The following OPHN1 variants were observed in gnomAD, a reference collection of about 807,000 sequenced individuals.
OPHN1 encodes the protein oligophrenin 1.
A neutral mutation model predicts 60.7 loss-of-function variants in OPHN1; 11 were observed. That is an observed-to-expected ratio of 0.18 (90% CI 0.11 to 0.30). The LOEUF is 0.30. Among genes scored for constraint, OPHN1 ranks in the 10% least tolerant of loss-of-function variants. OPHN1 has a pLI of 1.00. For synonymous variants in OPHN1, 226 were observed against 222.6 expected (o/e 1.02, Z -0.14); for missense variants, 449 against 611.0 (o/e 0.73, Z 2.80).
At chrX:68,357,250 T>G (rs181945801) in intron 2 of OPHN1, among the ~76,000 whole-genome samples, 1 of 111,476 alleles carries the variant, frequency 9.0e-6, no homozygotes, top group African/African-American at 3.3e-5. Flanking sequence ...TGCTTTTGCT[T>G]TTGTTTTGTT....
intron 20 of OPHN1, chrX:68,071,035 A>G: frequency 8.9e-7 from 1 of 1,128,529 alleles, no homozygotes; most frequent in Non-Finnish European, 1.2e-6. Flanking sequence ...GTTGTTGAGC[A>G]CCTTAAGGAA....
chrX:68,148,479 AC>A (rs1754353641), intron 15 of OPHN1, among the ~76,000 whole-genome samples: 1 of 110,239 alleles, frequency 9.1e-6, no homozygotes, highest in Non-Finnish European at 1.9e-5. Flanking sequence ...ATCCCCAAAG[AC>A]CTGCTCTGGG....
Position 68,344,556 on chromosome X carries a change from G to A in OPHN1, c.155-45460C>T, listed in dbSNP as rs769603946. On this transcript the variant is annotated intron_variant, in intron 2 of 24. Coordinates refer to ENST00000355520, the MANE Select transcript of OPHN1 (RefSeq NM_002547.3). ...GAACCCAGGAGGCAGAGGTTGTACCGAGCCGAGATTGTGCCACTGCACTCC... is the reference window on the plus strand; with the variant it reads ...GAACCCAGGAGGCAGAGGTTGTACCAAGCCGAGATTGTGCCACTGCACTCC... Among the ~76,000 whole-genome samples the A allele has an allele frequency of 1.0e-4, 11 of 108,836 alleles. No homozygotes were observed. In the East Asian group the frequency reaches 1.8e-3, roughly 17 times the overall value. The allele number at this position is 108,836 out of a possible 115,157, so 94.5% of individuals were successfully genotyped here. A position where few individuals can be genotyped will look rare whatever the true frequency, so the allele number is the denominator to read the frequency against.
intron 18 of OPHN1, among the ~76,000 whole-genome samples, chrX:68,103,784 C>T (rs1602158180): frequency 8.9e-6 from 1 of 111,733 alleles, no homozygotes; most frequent in South Asian, 3.7e-4. Context: ...CCCTCTCTCA[C>T]CACTCCTATT....
chrX:68,403,965 C>T (rs1297995588), intron 2 of OPHN1, among the ~76,000 whole-genome samples: 9 of 108,834 alleles, frequency 8.3e-5, no homozygotes, highest in Non-Finnish European at 1.5e-4. Context: ...AAATGAGATG[C>T]TGAATGCAGA....
intron 2 of OPHN1, among the ~76,000 whole-genome samples, chrX:68,359,850 C>A (rs1407425284): frequency 1.4e-5 from 1 of 73,706 alleles, no homozygotes; most frequent in African/African-American, 6.5e-5. Context: ...AGCGAGACTC[C>A]GTCTCAAAAA....
At chrX:68,083,316 C>T (rs1239661202) in intron 19 of OPHN1, among the ~76,000 whole-genome samples, 2 of 108,244 alleles carry the variant, frequency 1.8e-5, no homozygotes, top group Non-Finnish European at 3.8e-5. Flanking sequence ...TCATGATCCA[C>T]CCGCCTCGGC....
intron 18 of OPHN1, among the ~76,000 whole-genome samples, chrX:68,103,033 A>G (rs2077066220): frequency 8.9e-6 from 1 of 112,264 alleles, no homozygotes; most frequent in African/African-American, 3.2e-5. Flanking sequence ...TTGTGAGGCC[A>G]GAATCATCCT....
chrX:68,232,255 C>A (rs1347597330), intron 6 of OPHN1, among the ~76,000 whole-genome samples: 1 of 111,447 alleles, frequency 9.0e-6, no homozygotes, highest in African/African-American at 3.3e-5. Context: ...TTTAATAAAT[C>A]TTTTTTGAGC....
chrX:68,318,760 G>A (rs1388472197), intron 2 of OPHN1, among the ~76,000 whole-genome samples: 1 of 111,298 alleles, frequency 9.0e-6, no homozygotes, highest in Non-Finnish European at 1.9e-5. Flanking sequence ...ATTACGTTTA[G>A]TCATCATGAC....
intron 15 of OPHN1, among the ~76,000 whole-genome samples, chrX:68,190,279 G>A (rs749368973): frequency 1.8e-5 from 2 of 112,081 alleles, no homozygotes; most frequent in Admixed American, 9.5e-5. Context: ...AAAACACAGG[G>A]AATATGTTCA....
chrX:68,269,534 T>G (rs2077954513), intron 5 of OPHN1, among the ~76,000 whole-genome samples: 1 of 111,725 alleles, frequency 9.0e-6, no homozygotes, highest in African/African-American at 3.3e-5. Flanking sequence ...TGGCTAGCCA[T>G]ATGTAGAAAG....
intron 2 of OPHN1, among the ~76,000 whole-genome samples, chrX:68,302,383 G>A (rs1298675515): frequency 9.0e-6 from 1 of 110,951 alleles, no homozygotes; most frequent in African/African-American, 3.3e-5. Context: ...GAGGTCAGGA[G>A]TTCGAAACCA....
chrX:68,226,080 C>A (rs2077690342), intron 6 of OPHN1, among the ~76,000 whole-genome samples: 1 of 111,786 alleles, frequency 8.9e-6, no homozygotes, highest in Admixed American at 9.6e-5. Context: ...CTACATGACA[C>A]ATGCACAAGC....
intron 15 of OPHN1, among the ~76,000 whole-genome samples, chrX:68,150,610 C>T (rs1309532899): frequency 8.9e-6 from 1 of 111,865 alleles, no homozygotes. Context: ...GATGAGTACA[C>T]TTGGGCTTGC....
chrX:68,226,659 A>C (rs946004738), intron 6 of OPHN1, among the ~76,000 whole-genome samples: 13 of 111,457 alleles, frequency 1.2e-4, no homozygotes, highest in Admixed American at 1.2e-3. Flanking sequence ...GAAATAAAAT[A>C]CTTTACAGAC....
At chrX:68,416,061 TATATATAGAGAGAGAGAG>T (rs1425634492) in intron 2 of OPHN1, among the ~76,000 whole-genome samples, 21 of 6,304 alleles carry the variant, frequency 3.3e-3, no homozygotes, top group African/African-American at 4.3e-3. Context: ...TATATATATA[TATATATAGAGAGAGAGAG>T]AGAGAGAGAG....
At chrX:68,158,621 G>C (rs1020770536) in intron 15 of OPHN1, among the ~76,000 whole-genome samples, 1 of 112,127 alleles carries the variant, frequency 8.9e-6, no homozygotes, top group African/African-American at 3.2e-5. Flanking sequence ...TCAGTAAGAA[G>C]AGCAAGAGTC....
chrX:68,357,292 T>G (rs1344269532), intron 2 of OPHN1, among the ~76,000 whole-genome samples: 1 of 111,718 alleles, frequency 9.0e-6, no homozygotes, highest in East Asian at 2.8e-4. Context: ...AGGGTACATG[T>G]GCACAACGTG....
Sources: gnomAD v4.1 joint callset for allele counts (sites outside exome capture counted in the v4.1 genomes callset) on GRCh38, gnomAD v4.1.1 for gene constraint, MANE v1.5 for transcripts, NCBI Gene and HGNC (gene_info 2026-07-23, HGNC 2026-07-21) for gene names.